The following SPG11 variants were observed in gnomAD, a reference collection of about 807,000 sequenced individuals.
SPG11 encodes the protein SPG11 vesicle trafficking associated, spatacsin.
A neutral mutation model predicts 274.0 loss-of-function variants in SPG11; 222 were observed. The ratio of observed to expected loss-of-function variants is 0.81; its 90% confidence interval spans 0.73 to 0.91. The LOEUF is 0.91. Among genes scored for constraint, SPG11 ranks in the 40% least tolerant of loss-of-function variants. SPG11 has a pLI of 0.00. For missense variants in SPG11, 3,114 were observed against 2,872.7 expected, an observed-to-expected ratio of 1.08 and a Z score of -1.92; for synonymous variants, 1,144 against 1,039.7, an observed-to-expected ratio of 1.10 and a Z score of -1.93.
intron 20 of SPG11, among the ~76,000 whole-genome samples, chr15:44,600,892 G>A (rs1000392837): frequency 4.6e-5 from 7 of 152,156 alleles, no homozygotes; most frequent in Non-Finnish European, 5.9e-5. Context: ...GGTGGCTCAC[G>A]CCTGTAATCC....
At chr15:44,593,924 C>G (rs1294442106) in intron 26 of SPG11, among the ~76,000 whole-genome samples, 2 of 147,518 alleles carry the variant, frequency 1.4e-5, no homozygotes, top group Non-Finnish European at 3.0e-5. Context: ...CGGCTTTTTT[C>G]TTTTCTTTTT....
intron 29 of SPG11, 122 bp from the exon 30 acceptor site, chr15:44,584,680 G>A: frequency 8.2e-7 from 1 of 1,214,030 alleles, no homozygotes; most frequent in Non-Finnish European, 1.2e-6. Context: ...CCAGGCTGGA[G>A]AGCAGTGGTG....
At chr15:44,638,199 C>T (rs562448839) in intron 7 of SPG11, among the ~76,000 whole-genome samples, 34 of 152,156 alleles carry the variant, frequency 2.2e-4, no homozygotes, top group Admixed American at 1.4e-3. Context: ...TGGTGGCTCA[C>T]GCCTGTAATC....
rs557114697 is a variant in SPG11 at position 44,583,503 on chromosome 15, A to G, written c.5866+311T>C. 1.2e-4 allele frequency among the ~76,000 whole-genome samples: 18 copies of G among 152,284 alleles called. No homozygotes were observed. In the South Asian group the frequency reaches 1.9e-3, roughly 16 times the overall value. The stretch of plus-strand genomic sequence containing the variant: ...ACCAAAAAGAAAAACAAAAAGCCAT[A>G]TTTCTATATACTATCAATGTAAGAC... On this transcript the variant is annotated intron_variant, in intron 30 of 39. Transcript: ENST00000261866.
chr15:44,569,290 T>G, intron 35 of SPG11, 108 bp downstream of exon 35: 1 of 843,462 alleles, frequency 1.2e-6, no homozygotes, highest in Non-Finnish European at 2.0e-6. Flanking sequence ...ATTCCTTCCC[T>G]CCATTTTCCC....
At chr15:44,608,385 T>C (rs2083375660) in intron 19 of SPG11, 59 bp downstream of exon 19, 1 of 1,560,962 alleles carries the variant, frequency 6.4e-7, no homozygotes, top group Non-Finnish European at 8.8e-7. Context: ...TCTAGAGTGA[T>C]TTCTGTTTTC....
rs757513010 is a variant in SPG11, at chr15:44,657,181, T to C, written c.783A>G (p.Ser261=). ...QEPAKISSFT[S]LKVSQDLDVA... is the part of the protein sequence containing the mutation. ...CATCGAGGTCTTGAGAAACTTTCAG[T>C]GAAGTAAATGAAGAAATCTTGGCTG... The change falls in exon 4 of 40, where the codon TCA becomes TCG. Residue 261 remains serine (S), a synonymous_variant. Coordinates refer to ENST00000261866, the MANE Select transcript of SPG11 (RefSeq NM_025137.4). The C allele has an allele frequency of 1.5e-5, 25 of 1,614,050 alleles. No homozygotes were observed. Among genetic ancestry groups the C allele is most frequent in the South Asian group, 5.5e-5 (5 of 91,086 alleles).
In SPG11 at chr15:44,585,760, A is replaced by G. The variant is rs1008817337; in HGVS notation, c.4997T>C (p.Ile1666Thr). Residue 1666 changes from isoleucine to threonine, a missense_variant, in exon 29 of 40, where the codon ATT (isoleucine) becomes ACT (threonine). Ile to Thr is a moderately conservative substitution (Grantham distance 89). Transcript: ENST00000261866. Reference sequence around the variant, plus strand: ...TCTACATTCATGCTGAAGATTCTCAATGCTGTAGCTGGTAATAATTGTATG... The same window carrying G: ...TCTACATTCATGCTGAAGATTCTCAGTGCTGTAGCTGGTAATAATTGTATG... The part of the protein sequence containing the change: ...INHTIITSYS[I>T]ENLQHECRSI... 5.6e-6 allele frequency: 9 copies of G among 1,614,006 alleles called. No homozygotes were observed. In the Admixed American group the frequency reaches 8.3e-5, roughly 15 times the overall value.
chr15:44,564,803 TATG>T, intron 38 of SPG11, 105 bp from the exon 39 acceptor site: 1 of 1,231,520 alleles, frequency 8.1e-7, no homozygotes, highest in Non-Finnish European at 1.2e-6. Flanking sequence ...ATGTAGTGAA[TATG>T]ATCATTACCA....
intron 4 of SPG11, among the ~76,000 whole-genome samples, chr15:44,656,574 G>C (rs1422549312): frequency 1.3e-5 from 2 of 152,172 alleles, no homozygotes; most frequent in African/African-American, 2.4e-5. Context: ...GGAAAGTTTG[G>C]GAAGTTGTGG....
At chr15:44,663,366 G>A (rs754108165) in intron 1 of SPG11, 25 bp downstream of exon 1, 7 of 1,601,124 alleles carry the variant, frequency 4.4e-6, no homozygotes, top group East Asian at 4.6e-5. Context: ...CTCCCCCAAC[G>A]GCCCAACTCT....
At chr15:44,586,536 C>A (rs1393888077) in intron 28 of SPG11, among the ~76,000 whole-genome samples, 1 of 151,856 alleles carries the variant, frequency 6.6e-6, no homozygotes, top group Non-Finnish European at 1.5e-5. Context: ...CCCAGCTACT[C>A]GAGAGGCTGA....
chr15:44,616,124 T>G (rs1225786664), intron 15 of SPG11, among the ~76,000 whole-genome samples: 1 of 152,048 alleles, frequency 6.6e-6, no homozygotes, highest in African/African-American at 2.4e-5. Flanking sequence ...TATAAGCCCT[T>G]GGTATATTCC....
intron 5 of SPG11, 21 bp downstream of exon 5, chr15:44,652,108 A>C (rs374598024): frequency 3.1e-6 from 5 of 1,613,844 alleles, no homozygotes; most frequent in Non-Finnish European, 4.2e-6. Flanking sequence ...AATAAACTAC[A>C]TGAAAAGGAA....
intron 5 of SPG11, 32 bp from the exon 6 acceptor site, chr15:44,651,971 T>A: frequency 6.3e-7 from 1 of 1,596,658 alleles, no homozygotes; most frequent in Non-Finnish European, 8.5e-7. Flanking sequence ...ACTTAACACC[T>A]GTCACAGTAA....
At chr15:44,585,317 T>C (rs907662511) in intron 29 of SPG11, among the ~76,000 whole-genome samples, 18 of 150,672 alleles carry the variant, frequency 1.2e-4, no homozygotes, top group African/African-American at 2.0e-4. Context: ...AGGCTGGGCG[T>C]GGTGGCTCAC....
intron 6 of SPG11, among the ~76,000 whole-genome samples, chr15:44,650,833 C>T (rs372176493): frequency 7.2e-5 from 11 of 152,054 alleles, no homozygotes; most frequent in African/African-American, 2.2e-4. Flanking sequence ...CTGCAACCTC[C>T]GCCTCCCAGG....
rs1399559655 is a variant in SPG11, at chr15:44,583,948, A to G, written c.5732T>C (p.Val1911Ala). 3 of 1,614,212 alleles carry G rather than the reference A, an allele frequency of 1.9e-6. No homozygotes were observed. Among genetic ancestry groups the G allele is most frequent in the Admixed American group, 1.7e-5 (1 of 60,014 alleles). Residue 1911 changes from valine (V) to alanine (A), a missense_variant, in exon 30 of 40, where the codon GTA becomes GCA. Physicochemically the swap from Val to Ala is moderately conservative, Grantham distance 64 (BLOSUM62 0). Coordinates refer to ENST00000261866, the MANE Select transcript of SPG11 (RefSeq NM_025137.4). ...FHFYNPDVALVLHCRALASGE... is the reference protein window; with the variant it reads ...FHFYNPDVALALHCRALASGE... ...TGAGGCCAGTGCTCTGCAGTGCAATACCAAGGCGACATCTGGATTATAAAA... is the reference window on the plus strand; with the variant it reads ...TGAGGCCAGTGCTCTGCAGTGCAATGCCAAGGCGACATCTGGATTATAAAA...
intron 15 of SPG11, among the ~76,000 whole-genome samples, chr15:44,619,288 C>G (rs2083674475): frequency 6.6e-6 from 1 of 152,120 alleles, no homozygotes; most frequent in African/African-American, 2.4e-5. Context: ...AGAAACTTAA[C>G]ATACATGTTA....
Sources: gnomAD v4.1 joint callset for allele counts (sites outside exome capture counted in the v4.1 genomes callset) on GRCh38, gnomAD v4.1.1 for gene constraint, MANE v1.5 for transcripts, NCBI Gene and HGNC (gene_info 2026-07-23, HGNC 2026-07-21) for gene names.